The following SGCZ variants were observed in gnomAD, a reference collection of about 807,000 sequenced individuals.
SGCZ encodes the protein sarcoglycan zeta.
In SGCZ, 40 loss-of-function variants were observed where a neutral mutation model predicts 41.3. That is an observed-to-expected ratio of 0.97 (90% CI 0.75 to 1.26). The LOEUF is 1.26. Ranked by LOEUF, SGCZ falls within the 50% of genes most tolerant of loss-of-function variation. The pLI is 0.00. For synonymous variants in SGCZ, 206 were observed against 137.5 expected (o/e 1.50, Z -3.49); for missense variants, 552 against 369.8 (o/e 1.49, Z -4.04).
At chr8:14,414,547 T>C (rs1488411022) in intron 2 of SGCZ, among the ~76,000 whole-genome samples, 1 of 151,930 alleles carries the variant, frequency 6.6e-6, no homozygotes, top group Non-Finnish European at 1.5e-5. Context: ...CTTATAAACC[T>C]CTTCAAAAGT....
chr8:14,690,717 T>C (rs540832566), intron 1 of SGCZ: 1 of 152,168 alleles, frequency 6.6e-6, no homozygotes, highest in Non-Finnish European at 1.5e-5. Context: ...TTAAGTTAGT[T>C]CCTTCATTCT....
chr8:14,877,854 G>T (rs1244214847), intron 1 of SGCZ, among the ~76,000 whole-genome samples: 4 of 151,728 alleles, frequency 2.6e-5, no homozygotes, highest in African/African-American at 9.7e-5. Flanking sequence ...TAGTTCTAAT[G>T]GATTTTCATG....
intron 5 of SGCZ, among the ~76,000 whole-genome samples, chr8:14,123,443 C>T (rs1468761081): frequency 6.6e-6 from 1 of 152,104 alleles, no homozygotes; most frequent in African/African-American, 2.4e-5. Flanking sequence ...GATTACTATA[C>T]TTAATATAGA....
At chr8:15,173,635 T>A (rs976407200) in intron 1 of SGCZ, among the ~76,000 whole-genome samples, 1 of 152,234 alleles carries the variant, frequency 6.6e-6, no homozygotes, top group Non-Finnish European at 1.5e-5. Context: ...AAGATTCATT[T>A]TAAAATGATT....
chr8:14,733,546 T>C (rs1242950703), intron 1 of SGCZ, among the ~76,000 whole-genome samples: 1 of 152,208 alleles, frequency 6.6e-6, no homozygotes, highest in Non-Finnish European at 1.5e-5. Context: ...CCACTACTAT[T>C]AATTCTAATG....
chr8:14,639,912 C>G (rs951951981), intron 1 of SGCZ, among the ~76,000 whole-genome samples: 1 of 151,600 alleles, frequency 6.6e-6, no homozygotes, highest in African/African-American at 2.4e-5. Flanking sequence ...ACTCTCTACT[C>G]CTTGGACACT....
intron 5 of SGCZ, among the ~76,000 whole-genome samples, chr8:14,147,917 A>C (rs1256619672): frequency 6.6e-6 from 1 of 152,154 alleles, no homozygotes; most frequent in Non-Finnish European, 1.5e-5. Context: ...CGAACTATAC[A>C]AATACCTAGA....
At chr8:14,402,253 A>T (rs1799098419) in intron 2 of SGCZ, among the ~76,000 whole-genome samples, 1 of 151,328 alleles carries the variant, frequency 6.6e-6, no homozygotes, top group Non-Finnish European at 1.5e-5. Context: ...GTTCACTCTG[A>T]TGGTAGTTTC....
At chr8:14,455,302 A>G (rs928848983) in intron 2 of SGCZ, among the ~76,000 whole-genome samples, 4 of 152,172 alleles carry the variant, frequency 2.6e-5, no homozygotes, top group Non-Finnish European at 5.9e-5. Context: ...AGGAAATGTA[A>G]TTTAAAACAT....
intron 1 of SGCZ, among the ~76,000 whole-genome samples, chr8:14,923,221 C>T (rs1428980196): frequency 6.6e-6 from 1 of 152,150 alleles, no homozygotes; most frequent in Non-Finnish European, 1.5e-5. Context: ...TTCTAGAAGA[C>T]ATTGGCCAGT....
chr8:14,475,181 T>C (rs936837684), intron 2 of SGCZ, among the ~76,000 whole-genome samples: 1 of 152,158 alleles, frequency 6.6e-6, no homozygotes, highest in Non-Finnish European at 1.5e-5. Flanking sequence ...GCAAAAGAAT[T>C]ATATTTCAAT....
rs570612718 is a variant in SGCZ at position 14,807,210 on chromosome 8, G to A, written c.40-252284C>T. 4.9e-3 allele frequency among the ~76,000 whole-genome samples: 752 copies of A among 152,066 alleles called. 2 individuals are homozygous for A. Among genetic ancestry groups the A allele is most frequent in the East Asian group, 0.01 (53 of 5,146 alleles). On this transcript the variant is annotated intron_variant, in intron 1 of 7. Transcript: ENST00000382080. Reference sequence around the variant, plus strand: ...TCTCTCACCACTCCTATTCAACATAGTGTTGGAAGTTCTGGCCAGGGCAAT... The same window carrying A: ...TCTCTCACCACTCCTATTCAACATAATGTTGGAAGTTCTGGCCAGGGCAAT...
chr8:15,000,205 C>G (rs751240820), intron 1 of SGCZ, among the ~76,000 whole-genome samples: 2 of 152,254 alleles, frequency 1.3e-5, no homozygotes, highest in Non-Finnish European at 2.9e-5. Context: ...AGGAAACCAA[C>G]CCTGCCCAGC....
intron 2 of SGCZ, among the ~76,000 whole-genome samples, chr8:14,368,092 G>A (rs9325704): frequency 0.35 from 52,871 of 151,882 alleles, 10,412 homozygotes; most frequent in African/African-American, 0.54. Flanking sequence ...AATTTTCCCA[G>A]TGTAACATTT....
chr8:15,030,514 A>T (rs1803621209), intron 1 of SGCZ, among the ~76,000 whole-genome samples: 1 of 152,158 alleles, frequency 6.6e-6, no homozygotes, highest in African/African-American at 2.4e-5. Flanking sequence ...CAGCTGTTCA[A>T]AGGACTTAGA....
intron 1 of SGCZ, among the ~76,000 whole-genome samples, chr8:14,822,361 T>A (rs1585292000): frequency 2.0e-5 from 3 of 152,182 alleles, no homozygotes; most frequent in Admixed American, 2.0e-4. Flanking sequence ...TGTAAAGATA[T>A]TCCACATTCA....
At chr8:14,408,580 C>G (rs1799273074) in intron 2 of SGCZ, among the ~76,000 whole-genome samples, 1 of 152,124 alleles carries the variant, frequency 6.6e-6, no homozygotes, top group African/African-American at 2.4e-5. Flanking sequence ...GGCTAGATGA[C>G]TGTTTCTATA....
intron 1 of SGCZ, among the ~76,000 whole-genome samples, chr8:15,088,107 AT>A (rs1390662152): frequency 6.6e-6 from 1 of 152,030 alleles, no homozygotes; most frequent in Non-Finnish European, 1.5e-5. Context: ...CAAAATTACC[AT>A]TTTCTGAGTA....
At chr8:14,917,559 G>C (rs950363826) in intron 1 of SGCZ, among the ~76,000 whole-genome samples, 10 of 151,938 alleles carry the variant, frequency 6.6e-5, no homozygotes, top group Admixed American at 3.3e-4. Context: ...AACATTTCAT[G>C]GTGGTCTATT....
Sources: gnomAD v4.1 joint callset for allele counts (sites outside exome capture counted in the v4.1 genomes callset) on GRCh38, gnomAD v4.1.1 for gene constraint, MANE v1.5 for transcripts, NCBI Gene and HGNC (gene_info 2026-07-23, HGNC 2026-07-21) for gene names.